CPQ: variants seen among roughly 807,000 people sequenced by gnomAD.
CPQ encodes the protein Ser-Met dipeptidase.
A neutral mutation model predicts 45.7 loss-of-function variants in CPQ; 37 were observed. The ratio of observed to expected loss-of-function variants is 0.81; its 90% CI spans 0.62 to 1.07. The LOEUF is 1.07. Among genes scored for constraint, CPQ ranks in the 50% least tolerant of loss-of-function variants. The pLI is 0.00. For missense variants in CPQ, 537 were observed against 572.9 expected, an observed-to-expected ratio of 0.94 and a Z score of 0.64; for synonymous variants, 186 against 205.8, an observed-to-expected ratio of 0.90 and a Z score of 0.82.
chr8:96,769,416 T>C (rs1217366179), intron 1 of CPQ, among the ~76,000 whole-genome samples: 2 of 152,154 alleles, frequency 1.3e-5, no homozygotes, highest in Non-Finnish European at 2.9e-5. Context: ...TGCTTAGTTA[T>C]ACCTGCTGAT....
At chr8:96,989,514 CGGAGA>C (rs1202736444) in intron 5 of CPQ, among the ~76,000 whole-genome samples, 6 of 147,288 alleles carry the variant, frequency 4.1e-5, no homozygotes. Context: ...AGGAGAGGAG[CGGAGA>C]GGAGAGGAGA....
chr8:96,784,819 G>A, intron 1 of CPQ, 45 bp from the exon 2 acceptor site: 6 of 1,397,766 alleles, frequency 4.3e-6, no homozygotes, highest in Non-Finnish European at 5.8e-6. Context: ...GCAGATAGCT[G>A]TGAGATTCTT....
chr8:96,801,119 G>A (rs1811002708), intron 2 of CPQ, among the ~76,000 whole-genome samples: 1 of 151,970 alleles, frequency 6.6e-6, no homozygotes, highest in Non-Finnish European at 1.5e-5. Flanking sequence ...GGGATTACAG[G>A]CGTACACCAC....
chr8:96,650,835 A>C (rs1314862189), intron 1 of CPQ, among the ~76,000 whole-genome samples: 2 of 152,214 alleles, frequency 1.3e-5, no homozygotes, highest in Non-Finnish European at 2.9e-5. Context: ...ACGTAAATCA[A>C]ATGACACTTT....
intron 7 of CPQ, among the ~76,000 whole-genome samples, chr8:97,113,036 G>A (rs1811523500): frequency 6.6e-6 from 1 of 152,202 alleles, no homozygotes; most frequent in African/African-American, 2.4e-5. Flanking sequence ...TGCCCTGGGA[G>A]TGGGTTAGAC....
intron 1 of CPQ, among the ~76,000 whole-genome samples, chr8:96,728,082 C>T (rs1264106678): frequency 2.6e-5 from 4 of 152,090 alleles, no homozygotes; most frequent in Non-Finnish European, 1.5e-5. Context: ...CTGGAGGAGA[C>T]CTCATTGTGA....
chr8:96,719,402 C>A (rs901892590), intron 1 of CPQ, among the ~76,000 whole-genome samples: 2 of 152,224 alleles, frequency 1.3e-5, no homozygotes, highest in Admixed American at 6.5e-5. Context: ...CAAGCCCACG[C>A]CCACCCGGAA....
chr8:97,100,206 C>T (rs1811279080), intron 7 of CPQ, among the ~76,000 whole-genome samples: 1 of 152,178 alleles, frequency 6.6e-6, no homozygotes, highest in Admixed American at 6.5e-5. Flanking sequence ...GAATATGATA[C>T]AGTTCTCCAG....
intron 4 of CPQ, among the ~76,000 whole-genome samples, chr8:96,944,971 C>T (rs1461528121): frequency 2.0e-5 from 3 of 152,168 alleles, no homozygotes; most frequent in Non-Finnish European, 1.5e-5. Context: ...ACTCACTTTA[C>T]ACCCCAGCGC....
At chr8:96,979,573 A>T (rs148927909) in intron 5 of CPQ, among the ~76,000 whole-genome samples, 1 of 152,172 alleles carries the variant, frequency 6.6e-6, no homozygotes, top group Admixed American at 6.5e-5. Context: ...CCAGCTTCCA[A>T]TGAATTTTGT....
chr8:96,761,263 G>A (rs1038444655), intron 1 of CPQ: 3 of 152,154 alleles, frequency 2.0e-5, no homozygotes, highest in African/African-American at 4.8e-5. Flanking sequence ...TGATACGCAC[G>A]AGCTAGCCTG....
chr8:97,041,092 G>T (rs1022928626), intron 6 of CPQ, among the ~76,000 whole-genome samples: 33 of 152,282 alleles, frequency 2.2e-4, no homozygotes, highest in African/African-American at 7.9e-4. Context: ...ACATTTTCAT[G>T]ATATTGATTC....
intron 2 of CPQ, among the ~76,000 whole-genome samples, chr8:96,827,034 G>T (rs963998912): frequency 3.9e-5 from 6 of 151,972 alleles, no homozygotes; most frequent in Non-Finnish European, 7.4e-5. Flanking sequence ...GCCAAATCTT[G>T]CAATGGTCCT....
chr8:96,991,553 CATAATAATAATAATAATAATA>C (rs36215104), intron 5 of CPQ, among the ~76,000 whole-genome samples: 112 of 139,972 alleles, frequency 8.0e-4, no homozygotes, highest in Middle Eastern at 7.3e-3. Flanking sequence ...AAGAGTCTGT[CATAATAATAATAATAATAATA>C]ATAATAATAA....
intron 2 of CPQ, among the ~76,000 whole-genome samples, chr8:96,834,490 A>G (rs1268511088): frequency 6.6e-6 from 1 of 152,216 alleles, no homozygotes; most frequent in Admixed American, 6.5e-5. Flanking sequence ...ATTGGCTTCT[A>G]AGAGTATTCT....
chr8:96,758,792 C>G (rs930177220), intron 1 of CPQ, among the ~76,000 whole-genome samples: 1 of 152,122 alleles, frequency 6.6e-6, no homozygotes, highest in African/African-American at 2.4e-5. Context: ...CTTAATTCAT[C>G]TCAGCTTCCC....
intron 1 of CPQ, among the ~76,000 whole-genome samples, chr8:96,689,769 C>T (rs571230602): frequency 5.9e-5 from 9 of 152,056 alleles, no homozygotes; most frequent in African/African-American, 2.2e-4. Flanking sequence ...TCCATTTTCT[C>T]TCTCTTCCTG....
At chr8:96,650,729 C>T (rs1187914897) in intron 1 of CPQ, among the ~76,000 whole-genome samples, 1 of 152,192 alleles carries the variant, frequency 6.6e-6, no homozygotes, top group African/African-American at 2.4e-5. Flanking sequence ...GCCAAGATCT[C>T]TGGGGAGACA....
intron 4 of CPQ, among the ~76,000 whole-genome samples, chr8:96,958,195 G>A (rs1813389410): frequency 6.6e-6 from 1 of 151,974 alleles, no homozygotes; most frequent in African/African-American, 2.4e-5. Context: ...GGGACATAAT[G>A]GTAAGTGAAT....
Sources: allele counts gnomAD v4.1 joint callset (sites outside exome capture counted in the v4.1 genomes callset), GRCh38; gene constraint gnomAD v4.1.1; transcripts MANE v1.5; gene names NCBI Gene and HGNC (gene_info 2026-07-23, HGNC 2026-07-21).